Variants in PRKAA1 observed in about 807,000 individuals in gnomAD.
PRKAA1 encodes the protein protein kinase AMP-activated catalytic subunit alpha 1.
A neutral mutation model predicts 56.9 loss-of-function variants in PRKAA1; 23 were observed. That is an observed-to-expected ratio of 0.40 (90% CI 0.29 to 0.57). The LOEUF (loss-of-function observed/expected upper bound fraction) is 0.57, where lower values mean the gene tolerates loss of function less well. PRKAA1 is among the 20% of genes least tolerant of loss of function. PRKAA1 has a pLI of 0.39. For synonymous variants in PRKAA1, 226 were observed against 227.0 expected, an observed-to-expected ratio of 1.00 and a Z score of 0.04; for missense variants, 413 against 679.7, an observed-to-expected ratio of 0.61 and a Z score of 4.36.
chr5:40,768,367 T>G, intron 5 of PRKAA1: 2 of 851,542 alleles, frequency 2.3e-6, no homozygotes, highest in Admixed American at 6.2e-5. Flanking sequence ...ATTTCAGTAA[T>G]AGCCCATTGC....
intron 3 of PRKAA1, among the ~76,000 whole-genome samples, 171 bp from the exon 4 acceptor site, chr5:40,772,034 T>C (rs536258884): frequency 6.6e-6 from 1 of 152,342 alleles, no homozygotes; most frequent in East Asian, 1.9e-4. Flanking sequence ...AAAACAGAAA[T>C]GCTAAGATGG....
rs1029953729 is a variant in PRKAA1 at position 40,761,112 on chromosome 5, T to C, written c.*1666A>G. 3.9e-5 allele frequency: 6 copies of C among 152,318 alleles called. No individual in the cohort carries two copies. In the South Asian group the frequency reaches 1.2e-3, roughly 32 times the overall value. 9.4% of individuals were successfully genotyped at this position (152,318 alleles called of 1,614,324 possible). On this transcript the variant is annotated 3_prime_UTR_variant, in exon 9 of 9. Transcript: ENST00000397128. ...AGCCCAAAACAAATGTGACCACTTATTAATAGAATTGATTTGTTCCATATT... is the reference window on the plus strand; with the variant it reads ...AGCCCAAAACAAATGTGACCACTTACTAATAGAATTGATTTGTTCCATATT...
At chr5:40,768,060 G>A (rs1312195416) in intron 5 of PRKAA1, among the ~76,000 whole-genome samples, 2 of 147,948 alleles carry the variant, frequency 1.4e-5, no homozygotes, top group Non-Finnish European at 3.1e-5. Flanking sequence ...TGGACTCTGA[G>A]CCCACAATCC....
intron 1 of PRKAA1, among the ~76,000 whole-genome samples, chr5:40,778,891 G>C (rs1744143275): frequency 6.8e-6 from 1 of 146,912 alleles, no homozygotes. Flanking sequence ...AGGCTCAGGT[G>C]ATCAGGTGAT....
At chr5:40,783,556 G>C (rs1000995596) in intron 1 of PRKAA1, among the ~76,000 whole-genome samples, 2 of 152,020 alleles carry the variant, frequency 1.3e-5, no homozygotes, top group African/African-American at 4.8e-5. Context: ...AGGAGTTCGA[G>C]ACCAGTTTGG....
chr5:40,789,108 G>A (rs371320211), intron 1 of PRKAA1, among the ~76,000 whole-genome samples: 6 of 151,988 alleles, frequency 3.9e-5, no homozygotes, highest in African/African-American at 1.4e-4. Flanking sequence ...CTACTTGGGA[G>A]GCAGAGGTGG....
At chr5:40,782,646 A>G (rs1022098149) in intron 1 of PRKAA1, among the ~76,000 whole-genome samples, 1 of 152,218 alleles carries the variant, frequency 6.6e-6, no homozygotes, top group East Asian at 1.9e-4. Context: ...GAATTTTACA[A>G]TACAATTAAA....
intron 3 of PRKAA1, chr5:40,775,050 A>T: frequency 9.6e-7 from 1 of 1,044,098 alleles, no homozygotes; most frequent in Non-Finnish European, 1.4e-6. Flanking sequence ...TAATAATAAT[A>T]TATTTTGTAA....
At chr5:40,776,825 G>A (rs558235595) in intron 2 of PRKAA1, among the ~76,000 whole-genome samples, 1 of 152,188 alleles carries the variant, frequency 6.6e-6, no homozygotes, top group East Asian at 1.9e-4. Flanking sequence ...GGCATTTGGA[G>A]GTCAAGAGTT....
rs1743130671 is a variant in PRKAA1, at chr5:40,760,379, T to C, written c.*2399A>G. The stretch of plus-strand genomic sequence containing the variant: ...TATAAGAGAAGCAAAGTTTACAAAA[T>C]TAACAATTTTTAAAAGGTCCTATTT... On this transcript the variant is annotated 3_prime_UTR_variant, in exon 9 of 9. Coordinates refer to ENST00000397128, the MANE Select transcript of PRKAA1 (RefSeq NM_006251.6). 3 of 152,728 alleles carry C rather than the reference T, an allele frequency of 2.0e-5. No homozygotes were observed. The highest frequency in any genetic ancestry group is 7.2e-5 in the African/African-American group (3 of 41,440). The allele number at this position is 152,728 out of a possible 1,614,324, so 9.5% of individuals were successfully genotyped here.
intron 1 of PRKAA1, among the ~76,000 whole-genome samples, chr5:40,795,768 T>C (rs907579124): frequency 6.6e-6 from 1 of 152,194 alleles, no homozygotes; most frequent in Non-Finnish European, 1.5e-5. Flanking sequence ...AATGTGATCA[T>C]GAACAAATTT....
intron 2 of PRKAA1, among the ~76,000 whole-genome samples, chr5:40,776,590 T>G (rs1744014737): frequency 6.6e-6 from 1 of 152,200 alleles, no homozygotes; most frequent in Non-Finnish European, 1.5e-5. Flanking sequence ...GAGAAAAACC[T>G]AAGCATCTTT....
At chr5:40,772,128 T>C (rs762481022) in intron 3 of PRKAA1, among the ~76,000 whole-genome samples, 1 of 152,230 alleles carries the variant, frequency 6.6e-6, no homozygotes, top group Non-Finnish European at 1.5e-5. Context: ...TTCCTCTATA[T>C]CTCATGAGTT....
Position 40,794,518 on chromosome 5 carries a change from T to TATTCGAAAAAGA in PRKAA1, c.127+3544_127+3545insTCTTTTTCGAAT, listed in dbSNP as rs1744845323. 3.1e-5 allele frequency among the ~76,000 whole-genome samples: 2 copies of TATTCGAAAAAGA among 63,876 alleles called. 1 individual carries two copies. The highest frequency in any genetic ancestry group is 8.9e-5 in the Non-Finnish European group (2 of 22,576). The allele number at this position is 63,876 out of a possible 152,430, so 41.9% of individuals were successfully genotyped here. A position where few individuals can be genotyped will look rare whatever the true frequency, so the allele number is the denominator to read the frequency against. ...AGGTCCCATCTATTTATCTTTGTTT[T>TATTCGAAAAAGA]TATTGCATTTGCTTTTGGGTTCTTA... On this transcript the variant is annotated intron_variant, in intron 1 of 8. Transcript: ENST00000397128.
chr5:40,778,766 T>G (rs985109455), intron 1 of PRKAA1, among the ~76,000 whole-genome samples: 4 of 148,142 alleles, frequency 2.7e-5, no homozygotes, highest in African/African-American at 9.9e-5. Context: ...TAAATTTTTT[T>G]TCCTGTTTTT....
At position 40,762,004 on chromosome 5, in the gene PRKAA1, T is replaced by C. The variant is rs1743210406; in HGVS notation, c.*774A>G. 1 of 152,276 alleles carries C rather than the reference T, an allele frequency of 6.6e-6. No homozygotes were observed. 9.4% of individuals were successfully genotyped at this position (152,276 alleles called of 1,614,324 possible). On this transcript the variant is annotated 3_prime_UTR_variant, in exon 9 of 9. Coordinates refer to ENST00000397128, the MANE Select transcript of PRKAA1 (RefSeq NM_006251.6). Reference sequence around the variant, plus strand: ...AGGGGGATATGGAGGCCGGGTGCGGTGGCTCACGCCTGTAATCCCACCACT... The same window carrying C: ...AGGGGGATATGGAGGCCGGGTGCGGCGGCTCACGCCTGTAATCCCACCACT...
intron 2 of PRKAA1, 32 bp from the exon 3 acceptor site, chr5:40,775,535 A>G: frequency 7.1e-7 from 1 of 1,417,520 alleles, no homozygotes; most frequent in Non-Finnish European, 1.0e-6. Flanking sequence ...TACAAATATT[A>G]AAACACATAT....
chr5:40,766,357 C>G (rs959651669), intron 6 of PRKAA1, among the ~76,000 whole-genome samples: 1 of 152,024 alleles, frequency 6.6e-6, no homozygotes, highest in Non-Finnish European at 1.5e-5. Context: ...AATGTGCAGT[C>G]TAGCCATTAG....
intron 1 of PRKAA1, among the ~76,000 whole-genome samples, chr5:40,796,124 C>T (rs931955025): frequency 5.9e-5 from 9 of 152,190 alleles, no homozygotes; most frequent in Admixed American, 5.9e-4. Context: ...CGAGACCAGC[C>T]GGGCCAACAT....
Sources: gnomAD v4.1 joint callset for allele counts (sites outside exome capture counted in the v4.1 genomes callset) on GRCh38, gnomAD v4.1.1 for gene constraint, MANE v1.5 for transcripts, NCBI Gene and HGNC (gene_info 2026-07-23, HGNC 2026-07-21) for gene names.